The following STEEP1 variants were observed in gnomAD, a reference collection of about 807,000 sequenced individuals.
STEEP1 encodes STING ER exit protein.
Under a neutral mutation model 19.2 loss-of-function variants are expected in STEEP1, and 3 were observed. The observed-to-expected ratio is 0.16, with a 90% CI of 0.07 to 0.40. The LOEUF (loss-of-function observed/expected upper bound fraction) is 0.40. Ranked by LOEUF, STEEP1 falls within the 10% of genes least tolerant of loss-of-function variation. The pLI is 0.99. For missense variants in STEEP1, 54 were observed against 177.1 expected, an observed-to-expected ratio of 0.30 and a Z score of 3.94; for synonymous variants, 46 against 63.7, an observed-to-expected ratio of 0.72 and a Z score of 1.32.
intron 2 of STEEP1, among the ~76,000 whole-genome samples, chrX:119,549,767 T>A (rs2053231702): frequency 8.9e-6 from 1 of 112,096 alleles, no homozygotes; most frequent in Admixed American, 9.6e-5. Context: ...ATAACAGACC[T>A]ACTCACATGA....
chrX:119,551,460 A>G (rs2053240646), intron 2 of STEEP1, among the ~76,000 whole-genome samples: 1 of 102,226 alleles, frequency 9.8e-6, no homozygotes, highest in Non-Finnish European at 2.0e-5. Context: ...AGCCTGGGCA[A>G]CAAGAGCAAA....
chrX:119,552,699 C>T (rs190111364), intron 2 of STEEP1, among the ~76,000 whole-genome samples: 5 of 112,415 alleles, frequency 4.4e-5, no homozygotes, highest in Admixed American at 3.8e-4. Context: ...TTATCTAAAT[C>T]CAGCAAGGCC....
intron 2 of STEEP1, among the ~76,000 whole-genome samples, chrX:119,553,874 A>G (rs892940126): frequency 8.9e-6 from 1 of 112,441 alleles, no homozygotes; most frequent in African/African-American, 3.2e-5. Context: ...TGTCAAGTTT[A>G]TAAAAATGTA....
chrX:119,541,468 T>A (rs760157228), intron 5 of STEEP1, 48 bp from the exon 6 acceptor site: 2 of 750,865 alleles, frequency 2.7e-6, no homozygotes. Flanking sequence ...CACCAAGGAA[T>A]AACAACAAAG....
At chrX:119,557,155 C>CAAAAAAAAAAAAA (rs61087266) in intron 2 of STEEP1, among the ~76,000 whole-genome samples, 7 of 47,771 alleles carry the variant, frequency 1.5e-4, no homozygotes, top group Non-Finnish European at 1.5e-4. Context: ...GACTCTATCT[C>CAAAAAAAAAAAAA]AAAAAAAAAA....
chrX:119,556,038 G>A (rs959151649), intron 2 of STEEP1, among the ~76,000 whole-genome samples: 1 of 111,833 alleles, frequency 8.9e-6, no homozygotes, highest in Non-Finnish European at 1.9e-5. Flanking sequence ...GGATAGCAGG[G>A]CAAAGGCTCT....
intron 2 of STEEP1, among the ~76,000 whole-genome samples, chrX:119,559,457 C>G (rs1408973537): frequency 1.8e-5 from 2 of 110,973 alleles, no homozygotes; most frequent in African/African-American, 6.6e-5. Context: ...TGGTGAAATC[C>G]TAGTTCAGGC....
chrX:119,542,927 C>T (rs902657238), intron 4 of STEEP1, among the ~76,000 whole-genome samples: 1 of 100,117 alleles, frequency 1.0e-5, no homozygotes, highest in South Asian at 4.8e-4. Context: ...CAACCTCCCA[C>T]GTAGCTAGGA....
At chrX:119,539,828 A>T (rs2053151141) in intron 6 of STEEP1, 39 bp from the exon 7 acceptor site, 1 of 1,080,567 alleles carries the variant, frequency 9.3e-7, no homozygotes, top group South Asian at 1.9e-5. Flanking sequence ...GATACATGAC[A>T]TGAAATTATT....
Position 119,540,843 on chromosome X carries a change from C to T in STEEP1, c.606+485G>A, listed in dbSNP as rs58643023. On this transcript the variant is annotated intron_variant, in intron 6 of 6. Coordinates refer to ENST00000644802, the MANE Select transcript of STEEP1 (RefSeq NM_022101.4). ...GGCAGATCACCTGAGGTCAGGAGTTCGAGACCAGCCTGGCCAACATGGTGA... is the reference window on the plus strand; with the variant it reads ...GGCAGATCACCTGAGGTCAGGAGTTTGAGACCAGCCTGGCCAACATGGTGA... Among the ~76,000 whole-genome samples, 658 of 111,446 alleles carry T rather than the reference C, an allele frequency of 5.9e-3. 5 individuals carry two copies. The highest frequency in any genetic ancestry group is 0.021 in the African/African-American group (631 of 30,725).
chrX:119,564,316 G>A (rs1227265197), intron 1 of STEEP1, among the ~76,000 whole-genome samples: 1 of 110,803 alleles, frequency 9.0e-6, no homozygotes, highest in Non-Finnish European at 1.9e-5. Context: ...CCAACGTAGT[G>A]AAACCCCCGT....
chrX:119,542,411 A>G (rs1314830775), intron 5 of STEEP1, 94 bp downstream of exon 5: 4 of 615,039 alleles, frequency 6.5e-6, no homozygotes, highest in Non-Finnish European at 8.1e-6. Context: ...GAAGTCTCTA[A>G]TATTTCCACT....
chrX:119,541,460 C>A, intron 5 of STEEP1, 40 bp from the exon 6 acceptor site: 1 of 797,903 alleles, frequency 1.3e-6, no homozygotes, highest in Non-Finnish European at 1.9e-6. Context: ...GGAAGTCTCA[C>A]CAAGGAATAA....
At chrX:119,541,138 A>G (rs1178168359) in intron 6 of STEEP1, among the ~76,000 whole-genome samples, 190 bp downstream of exon 6, 1 of 112,201 alleles carries the variant, frequency 8.9e-6, no homozygotes, top group Non-Finnish European at 1.9e-5. Context: ...TTTAAGGCCT[A>G]GATCCTGGGG....
chrX:119,541,582 T>C (rs1163910008), intron 5 of STEEP1, among the ~76,000 whole-genome samples, 162 bp from the exon 6 acceptor site: 5 of 112,102 alleles, frequency 4.5e-5, no homozygotes, highest in Non-Finnish European at 9.4e-5. Context: ...CCAGGAGCAC[T>C]TAGGGTATTT....
chrX:119,548,532 C>CAAAAAAAA (rs59210283), intron 2 of STEEP1, among the ~76,000 whole-genome samples: 1 of 48,006 alleles, frequency 2.1e-5, no homozygotes, highest in African/African-American at 8.8e-5. Context: ...GACTCTGTCT[C>CAAAAAAAA]AAAAAAAAAA....
rs34447220 is a variant in STEEP1, at chrX:119,539,530, CAAAA to C, written c.*193_*196del. The C allele has an allele frequency of 3.7e-4, 113 of 304,215 alleles. No homozygotes were observed. Among genetic ancestry groups the C allele is most frequent in the Middle Eastern group, 9.4e-4 (1 of 1,068 alleles). The allele number at this position is 304,215 out of a possible 1,213,427, so 25.1% of individuals were successfully genotyped here. A position where few individuals can be genotyped will look rare whatever the true frequency, so the allele number is the denominator to read the frequency against. Reference sequence around the variant, plus strand: ...TGGGCGAAAGAGCAAGACTTTATCTCAAAAAAAAAAAAAAAAAAAAGAAAGCAAG... The same window carrying C: ...TGGGCGAAAGAGCAAGACTTTATCTCAAAAAAAAAAAAAAAAGAAAGCAAG... On this transcript the variant is annotated 3_prime_UTR_variant, in exon 7 of 7. Coordinates refer to ENST00000644802, the MANE Select transcript of STEEP1 (RefSeq NM_022101.4).
Position 119,565,382 on chromosome X carries a change from T to C in STEEP1, c.-27A>G. 1 of 1,139,829 alleles carries C rather than the reference T, an allele frequency of 8.8e-7. No individual in the cohort carries two copies. The highest frequency in any genetic ancestry group is 1.2e-6 in the Non-Finnish European group (1 of 836,850). The allele number at this position is 1,139,829 out of a possible 1,213,427, so 93.9% of individuals were successfully genotyped here. ...ATTCCCAAGAGCAATCTGAAAACTC[T>C]ACGCCAAGAAGAGGGTCGCCCCGAA... is the stretch of plus-strand genomic sequence containing the variant. On this transcript the variant is annotated 5_prime_UTR_variant, in exon 1 of 7. Coordinates refer to ENST00000644802, the MANE Select transcript of STEEP1 (RefSeq NM_022101.4).
chrX:119,558,943 G>A (rs1022075755), intron 2 of STEEP1, among the ~76,000 whole-genome samples: 3 of 110,762 alleles, frequency 2.7e-5, no homozygotes, highest in African/African-American at 9.9e-5. Context: ...TAGGCCGGGC[G>A]CAGTGGCTCA....
Sources: gnomAD v4.1 joint callset for allele counts (sites outside exome capture counted in the v4.1 genomes callset) on GRCh38, gnomAD v4.1.1 for gene constraint, MANE v1.5 for transcripts, NCBI Gene and HGNC (gene_info 2026-07-23, HGNC 2026-07-21) for gene names.